CAMTA1: variants seen among roughly 807,000 people sequenced by gnomAD.
CAMTA1 encodes the protein calmodulin-binding transcription activator 1.
Under a neutral mutation model 170.9 loss-of-function variants are expected in CAMTA1, and 27 were observed. That is an observed-to-expected ratio of 0.16 (90% CI 0.12 to 0.22). The LOEUF is 0.22. CAMTA1 is among the 10% of genes least tolerant of loss of function. The pLI is 1.00. For missense variants in CAMTA1, 1,619 were observed against 2,217.2 expected (o/e 0.73, Z 5.42); for synonymous variants, 833 against 891.5 (o/e 0.93, Z 1.17).
chr1:6,794,570 TACAG>T (rs1641980321), intron 1 of CAMTA1, among the ~76,000 whole-genome samples: 1 of 152,248 alleles, frequency 6.6e-6, no homozygotes, highest in African/African-American at 2.4e-5. Flanking sequence ...AGAATGTCCT[TACAG>T]TTTTGTGCTT....
intron 3 of CAMTA1, among the ~76,000 whole-genome samples, chr1:6,869,742 C>G (rs1667845477): frequency 1.3e-5 from 2 of 152,110 alleles, no homozygotes; most frequent in African/African-American, 4.8e-5. Context: ...GTCAGAACCA[C>G]TAAGTATTTA....
At chr1:7,717,347 A>G (rs1188670425) in intron 11 of CAMTA1, among the ~76,000 whole-genome samples, 1 of 152,222 alleles carries the variant, frequency 6.6e-6, no homozygotes, top group East Asian at 1.9e-4. Flanking sequence ...GTGCATTACT[A>G]TGTAGTACAT....
rs1157406486 is a variant in CAMTA1 at position 6,926,460 on chromosome 1, C to CTT, written c.234+101252_234+101253dup. 1.1e-3 allele frequency among the ~76,000 whole-genome samples: 139 copies of CTT among 130,918 alleles called. 3 individuals are homozygous for CTT. In the East Asian group the frequency reaches 0.028, roughly 26 times the overall value. The allele number at this position is 130,918 out of a possible 152,430, so 85.9% of individuals were successfully genotyped here. Reference sequence around the variant, plus strand: ...TTTCTCTTTCTTTCTTTCTTTCTTTCTTTCTTTCTTTCTTTCTTTCTTTCT... The same window carrying CTT: ...TTTCTCTTTCTTTCTTTCTTTCTTTCTTTTTCTTTCTTTCTTTCTTTCTTTCT... On this transcript the variant is annotated intron_variant, in intron 3 of 22. Transcript: ENST00000303635.
At chr1:7,671,503 G>A (rs537482747) in intron 10 of CAMTA1, among the ~76,000 whole-genome samples, 5 of 152,322 alleles carry the variant, frequency 3.3e-5, no homozygotes, top group South Asian at 2.1e-4. Context: ...CCCACACACA[G>A]GCTCCATCCT....
intron 6 of CAMTA1, among the ~76,000 whole-genome samples, chr1:7,558,506 A>G (rs2094911962): frequency 6.8e-6 from 1 of 147,968 alleles, no homozygotes; most frequent in African/African-American, 2.7e-5. Flanking sequence ...TCTCCAGGGA[A>G]AAGTCTTAAA....
chr1:7,655,285 C>CACGCAA, intron 7 of CAMTA1, among the ~76,000 whole-genome samples: 1 of 133,934 alleles, frequency 7.5e-6, no homozygotes, highest in East Asian at 2.2e-4. Flanking sequence ...CACCGTTATA[C>CACGCAA]ACACACACAC....
chr1:7,509,444 G>C (rs577567816), intron 6 of CAMTA1, among the ~76,000 whole-genome samples: 1 of 152,036 alleles, frequency 6.6e-6, no homozygotes, highest in Non-Finnish European at 1.5e-5. Flanking sequence ...CTAAACTGTC[G>C]GACCCAGCAG....
At chr1:7,192,713 C>T (rs770509807) in intron 4 of CAMTA1, among the ~76,000 whole-genome samples, 15 of 152,192 alleles carry the variant, frequency 9.9e-5, no homozygotes, top group African/African-American at 1.4e-4. Context: ...CAAGGTAAGA[C>T]GTGTGACTCC....
chr1:7,089,532 C>CCCCCT (rs1641196254), intron 3 of CAMTA1, among the ~76,000 whole-genome samples: 2 of 119,284 alleles, frequency 1.7e-5, no homozygotes, highest in Non-Finnish European at 1.8e-5. Flanking sequence ...TTTTTCCTAG[C>CCCCCT]CCCATCCCAT....
At chr1:7,302,203 A>G (rs1417687619) in intron 5 of CAMTA1, among the ~76,000 whole-genome samples, 1 of 152,084 alleles carries the variant, frequency 6.6e-6, no homozygotes, top group Non-Finnish European at 1.5e-5. Context: ...TCCATCAGAA[A>G]GCTTTGCTCT....
chr1:7,122,408 A>C (rs959748350), intron 4 of CAMTA1, among the ~76,000 whole-genome samples: 1 of 152,040 alleles, frequency 6.6e-6, no homozygotes, highest in Non-Finnish European at 1.5e-5. Flanking sequence ...AGGAGTGTGC[A>C]TATTCGTAGG....
intron 3 of CAMTA1, among the ~76,000 whole-genome samples, chr1:6,904,491 C>T (rs1677836032): frequency 6.6e-6 from 1 of 151,838 alleles, no homozygotes; most frequent in Admixed American, 6.6e-5. Flanking sequence ...GCCAATGACA[C>T]CCACATCTAT....
At chr1:7,651,585 G>T (rs767097113) in intron 7 of CAMTA1, among the ~76,000 whole-genome samples, 5 of 152,266 alleles carry the variant, frequency 3.3e-5, no homozygotes, top group African/African-American at 1.2e-4. Context: ...GCAGGACTGC[G>T]GAGCAGAGAG....
chr1:7,308,262 TG>T (rs35738503), intron 5 of CAMTA1, among the ~76,000 whole-genome samples: 138,351 of 151,904 alleles, frequency 0.91, 63,162 homozygotes, highest in East Asian at 0.99. Flanking sequence ...GTTAGTCTTG[TG>T]GAGAAGTTTA....
intron 6 of CAMTA1, among the ~76,000 whole-genome samples, chr1:7,489,160 A>T (rs1725272): frequency 1.3e-5 from 2 of 152,122 alleles, no homozygotes; most frequent in Non-Finnish European, 2.9e-5. Flanking sequence ...CCTTTGCCAC[A>T]GGTGGGCCCT....
At chr1:7,727,924 A>G (rs2096703281) in intron 11 of CAMTA1, among the ~76,000 whole-genome samples, 1 of 152,248 alleles carries the variant, frequency 6.6e-6, no homozygotes, top group African/African-American at 2.4e-5. Context: ...GCACAGTGCA[A>G]CAGACCGCAC....
intron 3 of CAMTA1, among the ~76,000 whole-genome samples, chr1:7,049,858 A>C (rs1231965869): frequency 1.3e-5 from 2 of 152,220 alleles, no homozygotes; most frequent in Non-Finnish European, 2.9e-5. Flanking sequence ...TGTCCTGGAC[A>C]CTAGGATGTG....
chr1:7,600,538 G>C (rs2095432352), intron 6 of CAMTA1, among the ~76,000 whole-genome samples: 1 of 151,348 alleles, frequency 6.6e-6, no homozygotes, highest in South Asian at 2.1e-4. Flanking sequence ...TCGCAGAGGG[G>C]GATTTGGCAG....
At position 7,395,311 on chromosome 1, in the gene CAMTA1, A is replaced by T. The variant is rs1351042575; in HGVS notation, c.439-72519A>T. ...GTAGATGTCCAGTTTTCCCAGCAAA[A>T]CTTACTGAAAAGACTGCCCTTTCCC... is the stretch of plus-strand genomic sequence containing the variant. On this transcript the variant is annotated intron_variant, in intron 5 of 22. Transcript: ENST00000303635. Among the ~76,000 whole-genome samples the T allele has an allele frequency of 2.6e-5, 4 of 152,258 alleles. 1 individual carries two copies. The highest frequency in any genetic ancestry group is 2.6e-4 in the Admixed American group (4 of 15,300).
Sources: gnomAD v4.1 joint callset for allele counts (sites outside exome capture counted in the v4.1 genomes callset) on GRCh38, gnomAD v4.1.1 for gene constraint, MANE v1.5 for transcripts, NCBI Gene and HGNC (gene_info 2026-07-23, HGNC 2026-07-21) for gene names.